Variants in HS3ST2 observed in about 807,000 individuals in gnomAD.
HS3ST2 encodes heparan sulfate glucosamine 3-O-sulfotransferase 2.
Under a neutral mutation model 26.3 loss-of-function variants are expected in HS3ST2, and 17 were observed. That is an observed-to-expected ratio of 0.65 (90% CI 0.44 to 0.97). The LOEUF (loss-of-function observed/expected upper bound fraction) is 0.97. Among genes scored for constraint, HS3ST2 ranks in the 50% least tolerant of loss-of-function variants. The pLI, the probability that HS3ST2 is intolerant of heterozygous loss-of-function variation, is 0.00. For missense variants in HS3ST2, 402 were observed against 501.2 expected (o/e 0.80, Z 1.89); for synonymous variants, 237 against 219.2 (o/e 1.08, Z -0.72).
chr16:22,859,512 G>C (rs984561965), intron 1 of HS3ST2, among the ~76,000 whole-genome samples: 1 of 152,098 alleles, frequency 6.6e-6, no homozygotes, highest in African/African-American at 2.4e-5. Context: ...TGTTATAGCT[G>C]TCAGATTCCT....
At chr16:22,911,247 G>A (rs572443243) in intron 1 of HS3ST2, among the ~76,000 whole-genome samples, 1 of 152,280 alleles carries the variant, frequency 6.6e-6, no homozygotes, top group Non-Finnish European at 1.5e-5. Flanking sequence ...TTAGAGACTG[G>A]GGAGAGCAAT....
chr16:22,876,247 G>T (rs1901914864), intron 1 of HS3ST2, among the ~76,000 whole-genome samples: 1 of 151,814 alleles, frequency 6.6e-6, no homozygotes, highest in African/African-American at 2.4e-5. Context: ...CAAATAATCA[G>T]CAAGAATAAA....
chr16:22,847,799 G>A (rs1289448987), intron 1 of HS3ST2, among the ~76,000 whole-genome samples: 1 of 149,218 alleles, frequency 6.7e-6, no homozygotes, highest in Non-Finnish European at 1.5e-5. Context: ...GAATAAGAAA[G>A]AGGAGAAGGA....
intron 1 of HS3ST2, among the ~76,000 whole-genome samples, chr16:22,885,898 A>G (rs1261087657): frequency 6.6e-6 from 1 of 152,126 alleles, no homozygotes; most frequent in Non-Finnish European, 1.5e-5. Context: ...ATAGGGACAG[A>G]CCATCTGGCC....
At chr16:22,869,558 CAAG>C (rs1220680127) in intron 1 of HS3ST2, among the ~76,000 whole-genome samples, 5 of 152,060 alleles carry the variant, frequency 3.3e-5, no homozygotes, top group African/African-American at 4.8e-5. Flanking sequence ...TGGTGGAAGG[CAAG>C]AAGGAGAAAT....
Position 22,814,697 on chromosome 16 carries a change from C to T in HS3ST2, c.87C>T (p.Ser29=). ...RLLFAFTLSL[S]CTYLCYSFLC... Reference sequence around the variant, plus strand: ...TCTTCGCCTTCACGCTCTCGCTCTCCTGCACTTACCTGTGTTACAGCTTCC... The same window carrying T: ...TCTTCGCCTTCACGCTCTCGCTCTCTTGCACTTACCTGTGTTACAGCTTCC... The change falls in exon 1 of 2, where the codon TCC becomes TCT. Residue 29 remains serine (S), a synonymous_variant. Transcript: ENST00000261374. 6 of 1,607,310 alleles carry T rather than the reference C, an allele frequency of 3.7e-6. No individual in the cohort carries two copies. The highest frequency in any genetic ancestry group is 5.1e-6 in the Non-Finnish European group (6 of 1,177,738).
rs146988984 is a variant in HS3ST2, at chr16:22,902,246, T to C, written c.486-12698T>C. Among the ~76,000 whole-genome samples the C allele has an allele frequency of 1.1e-3, 172 of 152,374 alleles. 3 individuals are homozygous for C. In the East Asian group the frequency reaches 0.024, roughly 21 times the overall value. ...GACAGCCAGATCATAATCTATCATATGGCCTCACTGTGGTTCTGATAGAAA... is the reference window on the plus strand; with the variant it reads ...GACAGCCAGATCATAATCTATCATACGGCCTCACTGTGGTTCTGATAGAAA... On this transcript the variant is annotated intron_variant, in intron 1 of 1. Transcript: ENST00000261374.
At chr16:22,887,987 TA>T (rs1902084168) in intron 1 of HS3ST2, among the ~76,000 whole-genome samples, 1 of 152,292 alleles carries the variant, frequency 6.6e-6, no homozygotes, top group East Asian at 1.9e-4. Flanking sequence ...ATGTGGAAGA[TA>T]AATACAACAG....
In HS3ST2 at chr16:22,914,763, A is replaced by AAAAAAAAAG. The variant is rs1489223344; in HGVS notation, c.486-180_486-179insAAAAAAAGA. Among the ~76,000 whole-genome samples the AAAAAAAAAG allele has an allele frequency of 5.1e-3, 601 of 118,750 alleles. 83 individuals carry two copies. Among genetic ancestry groups the AAAAAAAAAG allele is most frequent in the African/African-American group, 0.016 (429 of 26,680 alleles). 77.9% of individuals were successfully genotyped at this position (118,750 alleles called of 152,430 possible). On this transcript the variant is annotated intron_variant, in intron 1 of 1. Transcript: ENST00000261374. ...AAAAAAAAAAAAAAAAAAAAAAAAA[A>AAAAAAAAAG]AGAGAAGAAAAGAAAATCAACAAGA... is the stretch of plus-strand genomic sequence containing the variant.
intron 1 of HS3ST2, among the ~76,000 whole-genome samples, chr16:22,843,363 G>A (rs1901385760): frequency 6.6e-6 from 1 of 152,102 alleles, no homozygotes; most frequent in African/African-American, 2.4e-5. Context: ...AGATCCCACG[G>A]GTTGAGGACT....
intron 1 of HS3ST2, among the ~76,000 whole-genome samples, chr16:22,900,015 T>C (rs966289927): frequency 1.3e-5 from 2 of 152,226 alleles, no homozygotes; most frequent in Non-Finnish European, 2.9e-5. Context: ...CTGCTGAGTA[T>C]AGAGAGAGGG....
intron 1 of HS3ST2, among the ~76,000 whole-genome samples, chr16:22,866,728 G>A (rs1452736632): frequency 6.6e-6 from 1 of 152,088 alleles, no homozygotes; most frequent in African/African-American, 2.4e-5. Context: ...TGTGGTGATT[G>A]TGGAGGTCAA....
chr16:22,828,157 T>A (rs1010197021), intron 1 of HS3ST2, among the ~76,000 whole-genome samples: 19 of 152,268 alleles, frequency 1.2e-4, no homozygotes, highest in African/African-American at 4.6e-4. Context: ...GAAAAGAACA[T>A]TACGTTCTAC....
intron 1 of HS3ST2, among the ~76,000 whole-genome samples, chr16:22,846,275 TA>T (rs35955821): frequency 0.05 from 7,268 of 145,770 alleles, 197 homozygotes; most frequent in Non-Finnish European, 0.058. Flanking sequence ...AGACTCGATT[TA>T]AAAAAAAAAA....
intron 1 of HS3ST2, among the ~76,000 whole-genome samples, chr16:22,887,613 T>C (rs1221676905): frequency 1.3e-5 from 2 of 152,190 alleles, no homozygotes; most frequent in Admixed American, 6.5e-5. Context: ...CAGGCACCTG[T>C]AGCAGACACG....
intron 1 of HS3ST2, among the ~76,000 whole-genome samples, chr16:22,829,563 C>G (rs1381944660): frequency 6.6e-6 from 1 of 152,082 alleles, no homozygotes; most frequent in Non-Finnish European, 1.5e-5. Context: ...TGATTCATAA[C>G]TGTTATAGAA....
intron 1 of HS3ST2, among the ~76,000 whole-genome samples, chr16:22,901,005 G>C (rs1196864028): frequency 6.6e-6 from 1 of 152,132 alleles, no homozygotes; most frequent in Non-Finnish European, 1.5e-5. Context: ...AAATGAAAAA[G>C]GCTTGAACTA....
At chr16:22,838,913 T>A (rs1901313593) in intron 1 of HS3ST2, among the ~76,000 whole-genome samples, 1 of 152,176 alleles carries the variant, frequency 6.6e-6, no homozygotes, top group Non-Finnish European at 1.5e-5. Context: ...AGGCCATTGC[T>A]GCCCTTCACT....
rs114926941 is a variant in HS3ST2, at chr16:22,831,879, T to C, written c.485+16784T>C. 6.1e-3 allele frequency among the ~76,000 whole-genome samples: 934 copies of C among 152,274 alleles called. 8 individuals carry two copies. The highest frequency in any genetic ancestry group is 0.024 in the Middle Eastern group (7 of 294). ...ACCCAAGGGGGACTCTGTACCTGAT[T>C]GTGGTGGTGGTCACATGTATCTATA... On this transcript the variant is annotated intron_variant, in intron 1 of 1. Transcript: ENST00000261374.
Sources: gnomAD v4.1 joint callset for allele counts (sites outside exome capture counted in the v4.1 genomes callset) on GRCh38, gnomAD v4.1.1 for gene constraint, MANE v1.5 for transcripts, NCBI Gene and HGNC (gene_info 2026-07-23, HGNC 2026-07-21) for gene names.